Variants in NALF1 observed in about 807,000 individuals in gnomAD.
NALF1 encodes the protein family with sequence similarity 155 member A.
NALF1 carries 3 observed loss-of-function variants against 48.4 expected under a neutral mutation model. The observed-to-expected ratio is 0.06, with a 90% confidence interval of 0.03 to 0.16. The LOEUF is 0.16. NALF1 is among the 10% of genes least tolerant of loss of function. The pLI, the probability that NALF1 is intolerant of heterozygous loss-of-function variation, is 1.00. For missense variants in NALF1, 526 were observed against 571.5 expected (o/e 0.92, Z 0.81); for synonymous variants, 262 against 245.7 (o/e 1.07, Z -0.62).
intron 1 of NALF1, among the ~76,000 whole-genome samples, chr13:107,806,065 G>C (rs189561040): frequency 1.9e-4 from 29 of 152,266 alleles, no homozygotes; most frequent in African/African-American, 6.0e-4. Flanking sequence ...TTTTGTAACA[G>C]TTTCAGATTG....
intron 1 of NALF1, among the ~76,000 whole-genome samples, chr13:107,744,372 G>A (rs1474132058): frequency 6.6e-6 from 1 of 152,154 alleles, no homozygotes; most frequent in Non-Finnish European, 1.5e-5. Context: ...TGTCATTGTT[G>A]TTAAAGGACA....
intron 1 of NALF1, among the ~76,000 whole-genome samples, chr13:107,779,465 G>A (rs1023130232): frequency 1.3e-5 from 2 of 152,144 alleles, no homozygotes; most frequent in Non-Finnish European, 2.9e-5. Context: ...GGATCCAGTG[G>A]CTTTCAAACA....
intron 1 of NALF1, among the ~76,000 whole-genome samples, chr13:107,852,804 A>C (rs1880350810): frequency 6.6e-6 from 1 of 152,238 alleles, no homozygotes; most frequent in African/African-American, 2.4e-5. Flanking sequence ...ACACAATAGA[A>C]AAAGTATAGG....
At chr13:107,824,256 A>G (rs1437942823) in intron 1 of NALF1, among the ~76,000 whole-genome samples, 2 of 152,060 alleles carry the variant, frequency 1.3e-5, no homozygotes, top group Non-Finnish European at 2.9e-5. Flanking sequence ...TATAGGGACC[A>G]TATCACTAAA....
intron 2 of NALF1, among the ~76,000 whole-genome samples, chr13:107,194,841 A>T (rs1432990047): frequency 6.6e-6 from 1 of 152,226 alleles, no homozygotes; most frequent in Admixed American, 6.5e-5. Flanking sequence ...TAATATCCAG[A>T]ATCTACAAAG....
At chr13:107,784,311 G>T (rs1201911426) in intron 1 of NALF1, among the ~76,000 whole-genome samples, 1 of 152,140 alleles carries the variant, frequency 6.6e-6, no homozygotes, top group Non-Finnish European at 1.5e-5. Context: ...GGTAACTACT[G>T]AAACAAGCAA....
chr13:107,672,984 C>T (rs900279669), intron 1 of NALF1, among the ~76,000 whole-genome samples: 3 of 152,090 alleles, frequency 2.0e-5, no homozygotes, highest in Admixed American at 6.6e-5. Flanking sequence ...TGTATTTATT[C>T]CCCCAAATCT....
chr13:107,624,902 AT>A (rs1879625957), intron 1 of NALF1, among the ~76,000 whole-genome samples: 1 of 152,182 alleles, frequency 6.6e-6, no homozygotes, highest in African/African-American at 2.4e-5. Context: ...ACTAGGTTGT[AT>A]TTTTCCAGAG....
At chr13:107,210,556 G>A in intron 2 of NALF1, 28 bp downstream of exon 2, 1 of 1,514,100 alleles carries the variant, frequency 6.6e-7, no homozygotes, top group Non-Finnish European at 9.2e-7. Context: ...CCGGAGACTG[G>A]TGTACAGACT....
intron 1 of NALF1, among the ~76,000 whole-genome samples, chr13:107,307,942 T>C (rs149290151): frequency 1.3e-5 from 2 of 152,320 alleles, no homozygotes; most frequent in African/African-American, 4.8e-5. Flanking sequence ...GGGCAGTTAA[T>C]TACCTCAAAG....
At chr13:107,318,267 T>C (rs1376608817) in intron 1 of NALF1, among the ~76,000 whole-genome samples, 1 of 152,142 alleles carries the variant, frequency 6.6e-6, no homozygotes, top group Non-Finnish European at 1.5e-5. Flanking sequence ...TTTTCACCTG[T>C]TTGTTATCAA....
intron 1 of NALF1, among the ~76,000 whole-genome samples, chr13:107,644,154 C>G (rs1209099156): frequency 6.6e-6 from 1 of 151,348 alleles, no homozygotes; most frequent in African/African-American, 2.4e-5. Flanking sequence ...TTCAGAAATA[C>G]TCATCTCAAG....
intron 1 of NALF1, among the ~76,000 whole-genome samples, chr13:107,668,221 A>C (rs563228402): frequency 6.6e-6 from 1 of 152,246 alleles, no homozygotes; most frequent in East Asian, 1.9e-4. Flanking sequence ...CAAAGAATAA[A>C]CATGCAGGGT....
intron 1 of NALF1, among the ~76,000 whole-genome samples, chr13:107,646,161 A>C (rs1466192955): frequency 6.6e-6 from 1 of 152,096 alleles, no homozygotes. Flanking sequence ...AGATGTTCTC[A>C]GTGGGAACGC....
At chr13:107,323,150 C>T (rs928683487) in intron 1 of NALF1, among the ~76,000 whole-genome samples, 4 of 152,046 alleles carry the variant, frequency 2.6e-5, no homozygotes, top group African/African-American at 7.2e-5. Flanking sequence ...TGTGACCTTC[C>T]AGATTTTCAG....
chr13:107,790,293 G>C (rs1878193165), intron 1 of NALF1, among the ~76,000 whole-genome samples: 1 of 152,024 alleles, frequency 6.6e-6, no homozygotes, highest in Non-Finnish European at 1.5e-5. Context: ...ACAGAAAAAA[G>C]TGGAATAATA....
At chr13:107,208,638 C>T (rs1879692835) in intron 2 of NALF1, among the ~76,000 whole-genome samples, 1 of 152,014 alleles carries the variant, frequency 6.6e-6, no homozygotes. Flanking sequence ...AATGCATAAA[C>T]ACAACCTGTA....
chr13:107,228,167 T>C (rs1267125358), intron 1 of NALF1, among the ~76,000 whole-genome samples: 4 of 152,218 alleles, frequency 2.6e-5, no homozygotes, highest in Admixed American at 6.5e-5. Flanking sequence ...TACCATCTCT[T>C]ATAGGCTATT....
chr13:107,840,814 G>A (rs1488693534), intron 1 of NALF1, among the ~76,000 whole-genome samples: 1 of 151,948 alleles, frequency 6.6e-6, no homozygotes, highest in Admixed American at 6.6e-5. Context: ...GGTCTTTCTA[G>A]TCTCTGGGTT....
Sources: allele counts gnomAD v4.1 joint callset (sites outside exome capture counted in the v4.1 genomes callset), GRCh38; gene constraint gnomAD v4.1.1; transcripts MANE v1.5; gene names NCBI Gene and HGNC (gene_info 2026-07-23, HGNC 2026-07-21).